SESTD1: variants seen among roughly 807,000 people sequenced by gnomAD.
SESTD1 encodes SEC14 domain and spectrin repeat-containing protein 1.
In SESTD1, 43 loss-of-function variants were observed where a neutral mutation model predicts 101.7. The observed-to-expected ratio is 0.42, with a 90% CI of 0.33 to 0.55. The LOEUF is 0.55. Ranked by LOEUF, SESTD1 falls within the 20% of genes least tolerant of loss-of-function variation. The pLI, the probability that SESTD1 is intolerant of heterozygous loss-of-function variation, is 0.07. For missense variants in SESTD1, 647 were observed against 815.1 expected, an observed-to-expected ratio of 0.79 and a Z score of 2.51; for synonymous variants, 283 against 286.8, an observed-to-expected ratio of 0.99 and a Z score of 0.13.
At chr2:179,209,472 C>A (rs2046625493) in intron 1 of SESTD1, among the ~76,000 whole-genome samples, 1 of 133,942 alleles carries the variant, frequency 7.5e-6, no homozygotes, top group African/African-American at 3.0e-5. Context: ...ATACGATAAG[C>A]CAAAAAACAA....
rs1337004497 is a variant in SESTD1, at chr2:179,207,911, T to C, written c.-25-16045A>G. Among the ~76,000 whole-genome samples the C allele has an allele frequency of 1.5e-5, 2 of 133,652 alleles. 1 individual carries two copies. Among genetic ancestry groups the C allele is most frequent in the Admixed American group, 1.5e-4 (2 of 13,726 alleles). The allele number at this position is 133,652 out of a possible 152,430, so 87.7% of individuals were successfully genotyped here. The stretch of plus-strand genomic sequence containing the variant: ...AATTGCCAGATAAAGAATCAGAAGG[T>C]TGATTATTAAGCTATTCAAGGAGGC... On this transcript the variant is annotated intron_variant, in intron 1 of 17. Coordinates refer to ENST00000428443, the MANE Select transcript of SESTD1 (RefSeq NM_178123.5).
At chr2:179,147,191 A>G (rs1344202107) in intron 7 of SESTD1, among the ~76,000 whole-genome samples, 5 of 151,864 alleles carry the variant, frequency 3.3e-5, no homozygotes, top group African/African-American at 1.2e-4. Context: ...AAAATTTGCA[A>G]GAGGAGGGAC....
chr2:179,138,956 G>A (rs1296489350), intron 9 of SESTD1, among the ~76,000 whole-genome samples: 1 of 146,472 alleles, frequency 6.8e-6, no homozygotes, highest in Non-Finnish European at 1.5e-5. Flanking sequence ...GAGGCTCATC[G>A]CCCTTGTTAT....
intron 1 of SESTD1, among the ~76,000 whole-genome samples, chr2:179,203,684 T>C (rs2046552006): frequency 1.5e-5 from 2 of 134,708 alleles, no homozygotes; most frequent in Admixed American, 7.2e-5. Flanking sequence ...TTGTGGGTGA[T>C]GAGAACCTTG....
chr2:179,175,710 GTTTTCC>G (rs1032561585), intron 4 of SESTD1, among the ~76,000 whole-genome samples: 2 of 152,122 alleles, frequency 1.3e-5, no homozygotes, highest in Non-Finnish European at 2.9e-5. Flanking sequence ...TCACTCAAAT[GTTTTCC>G]TTTTCCTTTT....
At chr2:179,201,127 C>G in intron 1 of SESTD1, among the ~76,000 whole-genome samples, 1 of 134,778 alleles carries the variant, frequency 7.4e-6, no homozygotes, top group Non-Finnish European at 1.6e-5. Context: ...TGAACAGACA[C>G]TTCTCAAAAG....
intron 1 of SESTD1, among the ~76,000 whole-genome samples, chr2:179,240,611 A>G (rs2047137819): frequency 6.6e-6 from 1 of 152,204 alleles, no homozygotes; most frequent in Non-Finnish European, 1.5e-5. Flanking sequence ...ACCAGGAAGG[A>G]GCAGTCCAGC....
chr2:179,234,088 A>G (rs969118500), intron 1 of SESTD1, among the ~76,000 whole-genome samples: 1 of 152,222 alleles, frequency 6.6e-6, no homozygotes, highest in African/African-American at 2.4e-5. Flanking sequence ...TCATCAAATC[A>G]GTTGAAAGCA....
At chr2:179,260,600 G>T (rs2047469560) in intron 1 of SESTD1, among the ~76,000 whole-genome samples, 1 of 152,128 alleles carries the variant, frequency 6.6e-6, no homozygotes, top group Non-Finnish European at 1.5e-5. Flanking sequence ...AACGTTTAAA[G>T]GGCAGATATT....
rs1306188238 is a variant in SESTD1, at chr2:179,210,181, AT to A, written c.-25-18316del. On this transcript the variant is annotated intron_variant, in intron 1 of 17. Coordinates refer to ENST00000428443, the MANE Select transcript of SESTD1 (RefSeq NM_178123.5). Reference sequence around the variant, plus strand: ...AAAAAGACCAATAACAAGTAGTAAGATTGAAACAGTAATTTAAAAATTCCAA... The same window carrying A: ...AAAAAGACCAATAACAAGTAGTAAGATGAAACAGTAATTTAAAAATTCCAA... Among the ~76,000 whole-genome samples, 5 of 134,730 alleles carry A rather than the reference AT, an allele frequency of 3.7e-5. No homozygotes were observed. The East Asian group carries it at 9.9e-4, about 27-fold the overall frequency. The allele number at this position is 134,730 out of a possible 152,430, so 88.4% of individuals were successfully genotyped here.
chr2:179,241,834 A>G (rs1409262408), intron 1 of SESTD1, among the ~76,000 whole-genome samples: 1 of 151,968 alleles, frequency 6.6e-6, no homozygotes, highest in Admixed American at 6.6e-5. Context: ...AGGCAGGAGA[A>G]TGGCATGAAC....
chr2:179,242,379 G>A (rs1416119933), intron 1 of SESTD1, among the ~76,000 whole-genome samples: 2 of 152,034 alleles, frequency 1.3e-5, no homozygotes, highest in Admixed American at 6.6e-5. Flanking sequence ...CATTAAAATG[G>A]CCATACTGCC....
At chr2:179,166,246 TAAGAGG>T (rs1433800867) in intron 5 of SESTD1, among the ~76,000 whole-genome samples, 1 of 151,666 alleles carries the variant, frequency 6.6e-6, no homozygotes, top group Non-Finnish European at 1.5e-5. Flanking sequence ...AGACTGGAAA[TAAGAGG>T]AATAAGAGAT....
chr2:179,164,988 T>A (rs2045809894), intron 5 of SESTD1, among the ~76,000 whole-genome samples: 1 of 152,208 alleles, frequency 6.6e-6, no homozygotes, highest in Non-Finnish European at 1.5e-5. Flanking sequence ...CAGCCTAAAT[T>A]ATCCAAAATA....
rs1234252352 is a variant in SESTD1 at position 179,156,693 on chromosome 2, T to C, written c.370-5302A>G. ...GATTGTTTGCTTTTTTTCTTGCTGA[T>C]TTGAGTTCATTGTAGATTCTGCATA... On this transcript the variant is annotated intron_variant, in intron 5 of 17. Coordinates refer to ENST00000428443, the MANE Select transcript of SESTD1 (RefSeq NM_178123.5). 7.9e-5 allele frequency among the ~76,000 whole-genome samples: 12 copies of C among 152,304 alleles called. No individual in the cohort carries two copies. The East Asian group carries it at 2.1e-3, about 27-fold the overall frequency.
intron 1 of SESTD1, among the ~76,000 whole-genome samples, chr2:179,210,184 G>C (rs1346204678): frequency 7.4e-6 from 1 of 134,300 alleles, no homozygotes. Context: ...TAGTAAGATT[G>C]AAACAGTAAT....
At chr2:179,111,159 G>C (rs955369575) in intron 17 of SESTD1, among the ~76,000 whole-genome samples, 2 of 152,162 alleles carry the variant, frequency 1.3e-5, no homozygotes, top group African/African-American at 4.8e-5. Flanking sequence ...TCTGCTACTA[G>C]CTGAATTTTG....
chr2:179,198,654 C>A (rs2046446018), intron 1 of SESTD1, among the ~76,000 whole-genome samples: 1 of 151,808 alleles, frequency 6.6e-6, no homozygotes, highest in African/African-American at 2.4e-5. Flanking sequence ...AAGAATCTCA[C>A]TCAAAACCGC....
chr2:179,143,875 T>C, intron 8 of SESTD1, 72 bp from the exon 9 acceptor site: 1 of 1,491,056 alleles, frequency 6.7e-7, no homozygotes, highest in Admixed American at 2.0e-5. Context: ...ATATTCCCAA[T>C]TCTAGTCCCT....
Sources: gnomAD v4.1 joint callset for allele counts (sites outside exome capture counted in the v4.1 genomes callset) on GRCh38, gnomAD v4.1.1 for gene constraint, MANE v1.5 for transcripts, NCBI Gene and HGNC (gene_info 2026-07-23, HGNC 2026-07-21) for gene names.